PLA2G12B: variants seen among roughly 807,000 people sequenced by gnomAD.
PLA2G12B encodes the protein group XIIB secretory phospholipase A2-like protein.
In PLA2G12B, 19 loss-of-function variants were observed where a neutral mutation model predicts 22.3. The ratio of observed to expected loss-of-function variants is 0.85; its 90% CI spans 0.60 to 1.25. The LOEUF (loss-of-function observed/expected upper bound fraction) is 1.25. Among genes scored for constraint, PLA2G12B ranks in the 50% most tolerant of loss-of-function variants. PLA2G12B has a pLI of 0.00. For synonymous variants in PLA2G12B, 81 were observed against 94.9 expected (o/e 0.85, Z 0.85); for missense variants, 191 against 246.6 (o/e 0.77, Z 1.51).
Position 72,935,471 on chromosome 10 carries a change from C to A in PLA2G12B, c.*146G>T. 8.2e-7 allele frequency: 1 copy of A among 1,225,600 alleles called. No homozygotes were observed. Among genetic ancestry groups the A allele is most frequent in the Admixed American group, 2.4e-5 (1 of 42,298 alleles). The allele number at this position is 1,225,600 out of a possible 1,614,324, so 75.9% of individuals were successfully genotyped here. A position where few individuals can be genotyped will look rare whatever the true frequency, so the allele number is the denominator to read the frequency against. The stretch of plus-strand genomic sequence containing the variant: ...TCCTCAAAGGATAGGACTCACTTTC[C>A]AGCTGTAGAAAAATGTTCCCTTTCT... On this transcript the variant is annotated 3_prime_UTR_variant, in exon 4 of 4. Transcript: ENST00000373032.
intron 3 of PLA2G12B, among the ~76,000 whole-genome samples, chr10:72,937,129 T>A (rs1175942927): frequency 1.3e-5 from 2 of 152,094 alleles, no homozygotes; most frequent in African/African-American, 4.8e-5. Context: ...GAGAATGGCG[T>A]GAACCCGGAG....
Position 72,935,609 on chromosome 10 carries a change from C to A in PLA2G12B, c.*8G>T. On this transcript the variant is annotated 3_prime_UTR_variant, in exon 4 of 4. Transcript: ENST00000373032. The stretch of plus-strand genomic sequence containing the variant: ...GTCACTCAAAACCAGGAAGGAATCA[C>A]TTCTTCCTCATAACTCTTCCTTCTC... The A allele has an allele frequency of 3.1e-6, 5 of 1,613,770 alleles. No homozygotes were observed. Among genetic ancestry groups the A allele is most frequent in the Non-Finnish European group, 4.2e-6 (5 of 1,179,828 alleles).
chr10:72,954,609 T>G lies in PLA2G12B; in HGVS notation c.77A>C (p.Asp26Ala). The G allele has an allele frequency of 6.2e-7, 1 of 1,614,144 alleles. No individual in the cohort carries two copies. The highest frequency in any genetic ancestry group is 8.5e-7 in the Non-Finnish European group (1 of 1,180,038). The change falls in exon 1 of 4, where the codon GAC (aspartate) becomes GCC (alanine). Residue 26 changes from aspartate (D) to alanine (A), a missense_variant. Asp to Ala is a moderately radical substitution (Grantham distance 126). Transcript: ENST00000373032. Reference sequence around the variant, plus strand: ...CCAGTCTGAATAGGACTCCTCCGTGTCAGGGCTCGTGTCGCTCTGAGCCAG... The same window carrying G: ...CCAGTCTGAATAGGACTCCTCCGTGGCAGGGCTCGTGTCGCTCTGAGCCAG... The part of the protein sequence containing the change: ...GGLAQSDTSP[D>A]TEESYSDWGL...
intron 1 of PLA2G12B, among the ~76,000 whole-genome samples, chr10:72,950,628 C>T (rs1352949985): frequency 5.3e-5 from 8 of 152,126 alleles, no homozygotes; most frequent in South Asian, 2.1e-4. Flanking sequence ...TTACAGGGCG[C>T]GCCACCACGC....
At chr10:72,952,104 T>C (rs1476107365) in intron 1 of PLA2G12B, among the ~76,000 whole-genome samples, 2 of 152,208 alleles carry the variant, frequency 1.3e-5, no homozygotes, top group Non-Finnish European at 2.9e-5. Context: ...TTTGATTTAA[T>C]TGATTTGGTG....
intron 3 of PLA2G12B, among the ~76,000 whole-genome samples, chr10:72,936,627 A>G (rs1264723592): frequency 6.6e-6 from 1 of 152,162 alleles, no homozygotes; most frequent in Admixed American, 6.5e-5. Flanking sequence ...AGTGACTGCT[A>G]ATGGCTACAG....
intron 1 of PLA2G12B, among the ~76,000 whole-genome samples, chr10:72,948,180 A>T (rs995127557): frequency 9.2e-5 from 14 of 152,280 alleles, no homozygotes; most frequent in African/African-American, 3.1e-4. Context: ...CCAGCCAGAG[A>T]GTGAAACATC....
intron 3 of PLA2G12B, among the ~76,000 whole-genome samples, chr10:72,938,230 A>G (rs1034422029): frequency 6.6e-6 from 1 of 152,222 alleles, no homozygotes; most frequent in Admixed American, 6.5e-5. Context: ...TGACAGTCAT[A>G]GCTAACAATC....
In PLA2G12B at chr10:72,934,928, T is replaced by C. The variant is rs760591773; in HGVS notation, c.*689A>G. Among the ~76,000 whole-genome samples, 2 of 152,084 alleles carry C rather than the reference T, an allele frequency of 1.3e-5. No individual in the cohort carries two copies. Among genetic ancestry groups the C allele is most frequent in the African/African-American group, 2.4e-5 (1 of 41,422 alleles). On this transcript the variant is annotated 3_prime_UTR_variant, in exon 4 of 4. Transcript: ENST00000373032. ...GATCTTAGCATGACTCTAACACCAT[T>C]TAGTAACTGGGAATACCAATGGGGT...
At chr10:72,949,342 T>C (rs1257005843) in intron 1 of PLA2G12B, among the ~76,000 whole-genome samples, 1 of 152,240 alleles carries the variant, frequency 6.6e-6, no homozygotes, top group East Asian at 1.9e-4. Context: ...GTTACTTTAA[T>C]TTGTAAGCCC....
At chr10:72,936,243 C>T (rs531206940) in intron 3 of PLA2G12B, among the ~76,000 whole-genome samples, 1 of 152,272 alleles carries the variant, frequency 6.6e-6, no homozygotes, top group East Asian at 1.9e-4. Flanking sequence ...AACTTAAGTA[C>T]TCCACAGTTT....
chr10:72,944,793 A>G (rs1479398954), intron 1 of PLA2G12B, among the ~76,000 whole-genome samples: 1 of 152,240 alleles, frequency 6.6e-6, no homozygotes, highest in Non-Finnish European at 1.5e-5. Context: ...CTGCTCTACC[A>G]GCCCTGGAGT....
At chr10:72,942,555 A>C (rs963014882) in intron 2 of PLA2G12B, 97 bp downstream of exon 2, 28 of 1,004,480 alleles carry the variant, frequency 2.8e-5, no homozygotes, top group African/African-American at 3.3e-5. Flanking sequence ...GTATTCTTCA[A>C]CTTTTTTCCA....
chr10:72,941,077 G>A, intron 3 of PLA2G12B, 92 bp downstream of exon 3: 1 of 1,335,424 alleles, frequency 7.5e-7, no homozygotes, highest in South Asian at 1.4e-5. Flanking sequence ...GAGCTCTGAT[G>A]ATCTCTTCGA....
In PLA2G12B at chr10:72,935,442, A is replaced by C. The variant is rs955596945; in HGVS notation, c.*175T>G. The C allele has an allele frequency of 1.1e-6, 1 of 947,066 alleles. No individual in the cohort carries two copies. The highest frequency in any genetic ancestry group is 1.5e-6 in the Non-Finnish European group (1 of 650,090). 58.7% of individuals were successfully genotyped at this position (947,066 alleles called of 1,614,324 possible). ...TCAAACCACTCCATGTCTTTTTTCA[A>C]ATTTCCTCAAAGGATAGGACTCACT... is the stretch of plus-strand genomic sequence containing the variant. On this transcript the variant is annotated 3_prime_UTR_variant, in exon 4 of 4. Coordinates refer to ENST00000373032, the MANE Select transcript of PLA2G12B (RefSeq NM_032562.5).
At chr10:72,947,965 C>T (rs185588258) in intron 1 of PLA2G12B, among the ~76,000 whole-genome samples, 41 of 152,336 alleles carry the variant, frequency 2.7e-4, no homozygotes, top group South Asian at 1.0e-3. Flanking sequence ...ACCTCCGCCT[C>T]CTGTGTTCAA....
intron 1 of PLA2G12B, among the ~76,000 whole-genome samples, chr10:72,949,971 C>CCTCT (rs1181991289): frequency 6.7e-6 from 1 of 150,302 alleles, no homozygotes; most frequent in Admixed American, 6.6e-5. Flanking sequence ...AGGGAGACTC[C>CCTCT]GTCTCAAGAA....
chr10:72,943,054 C>T (rs1374167953), intron 1 of PLA2G12B, among the ~76,000 whole-genome samples: 4 of 151,792 alleles, frequency 2.6e-5, no homozygotes, highest in Admixed American at 2.0e-4. Flanking sequence ...CAACCTCCAC[C>T]TCCTGGGTTC....
chr10:72,953,940 G>T (rs193181990), intron 1 of PLA2G12B, among the ~76,000 whole-genome samples: 1 of 152,374 alleles, frequency 6.6e-6, no homozygotes, highest in Admixed American at 6.5e-5. Flanking sequence ...GGGACTGAGA[G>T]CTGGGAGGAC....
Sources: gnomAD v4.1 joint callset for allele counts (sites outside exome capture counted in the v4.1 genomes callset) on GRCh38, gnomAD v4.1.1 for gene constraint, MANE v1.5 for transcripts, NCBI Gene and HGNC (gene_info 2026-07-23, HGNC 2026-07-21) for gene names.